The following SNED1 variants were observed in gnomAD, a reference collection of about 807,000 sequenced individuals.
The protein encoded by SNED1 is sushi, nidogen and EGF-like domain-containing protein 1.
In SNED1, 81 loss-of-function variants were observed where a neutral mutation model predicts 166.7. The ratio of observed to expected loss-of-function variants is 0.49; its 90% CI spans 0.41 to 0.58. SNED1 has a LOEUF of 0.58. Among genes scored for constraint, SNED1 ranks in the 20% least tolerant of loss-of-function variants. SNED1 has a pLI of 0.00. For missense variants in SNED1, 1,604 were observed against 2,000.2 expected, an observed-to-expected ratio of 0.80 and a Z score of 3.78; for synonymous variants, 762 against 822.0, an observed-to-expected ratio of 0.93 and a Z score of 1.25.
Position 241,075,901 on chromosome 2 carries a change from A to G in SNED1, c.3916+2537A>G, listed in dbSNP as rs1248115596. 6.6e-6 allele frequency among the ~76,000 whole-genome samples: 1 copy of G among 152,202 alleles called. No individual in the cohort carries two copies. Among genetic ancestry groups the G allele is most frequent in the Non-Finnish European group, 1.5e-5 (1 of 68,034 alleles). ...GGCTACAATTTCATTTTTTATGCAT[A>G]TGGGTAAACTGGATTTTTCATCTCT... is the stretch of plus-strand genomic sequence containing the variant. On this transcript the variant is annotated intron_variant, in intron 27 of 31. Transcript: ENST00000310397. The surrounding 1 kb of genome is among the most constrained non-coding windows in gnomAD (Gnocchi z 4.8).
intron 1 of SNED1, among the ~76,000 whole-genome samples, chr2:241,020,306 A>G (rs778078237): frequency 1.1e-4 from 17 of 152,208 alleles, no homozygotes; most frequent in Non-Finnish European, 2.5e-4. Flanking sequence ...CCCAGCCCCA[A>G]TACTCACTGG....
At position 241,064,822 on chromosome 2, in the gene SNED1, C is replaced by T. The variant is rs765309683; in HGVS notation, c.2600-22C>T. On this transcript the variant is annotated intron_variant, in intron 19 of 31. Transcript: ENST00000310397. This position sits in a 1 kb window ranked among gnomAD's most constrained non-coding sequence, Gnocchi z 7.0. ...ACCCCTGGCCACGCCCCAACATACA[C>T]TGCCACTTTTTCTCCCCTCAGTGAG... 6.5e-7 allele frequency: 1 copy of T among 1,547,652 alleles called. No individual in the cohort carries two copies.
At chr2:241,089,062 C>G (rs938709457) in intron 31 of SNED1, 5 of 417,090 alleles carry the variant, frequency 1.2e-5, no homozygotes, top group African/African-American at 1.0e-4. Flanking sequence ...AAACCCCATC[C>G]TGCCCCCACC....
chr2:241,004,013 C>T (rs1191849839), intron 1 of SNED1, among the ~76,000 whole-genome samples: 1 of 152,222 alleles, frequency 6.6e-6, no homozygotes, highest in Non-Finnish European at 1.5e-5. Context: ...GCCAGGCTGT[C>T]CTATGTGAGG....
intron 3 of SNED1, 24 bp from the exon 4 acceptor site, chr2:241,034,544 A>C (rs1190684465): frequency 1.3e-6 from 2 of 1,564,804 alleles, no homozygotes; most frequent in African/African-American, 1.4e-5. Flanking sequence ...GGCCTCCCTC[A>C]CTCTGCCCCC....
At chr2:241,062,058 T>A (rs2062251070) in intron 16 of SNED1, among the ~76,000 whole-genome samples, 1 of 152,220 alleles carries the variant, frequency 6.6e-6, no homozygotes, top group African/African-American at 2.4e-5. Context: ...TATATCATGA[T>A]GTACTATGAA....
chr2:241,072,265 G>A (rs1045051024), intron 26 of SNED1: 18 of 474,970 alleles, frequency 3.8e-5, no homozygotes, highest in African/African-American at 2.4e-4. Flanking sequence ...CCGCCACTCC[G>A]AGTGTGGTCC....
intron 8 of SNED1, among the ~76,000 whole-genome samples, chr2:241,044,681 A>C (rs2061602265): frequency 1.3e-5 from 2 of 152,238 alleles, no homozygotes; most frequent in South Asian, 4.1e-4. Context: ...CTGACAGTGC[A>C]GAAGTTGGGG....
intron 2 of SNED1, among the ~76,000 whole-genome samples, chr2:241,033,075 G>A (rs1383845394): frequency 1.3e-5 from 2 of 152,088 alleles, no homozygotes; most frequent in Admixed American, 6.5e-5. Context: ...CCTTTCCTGA[G>A]TTATACATAT....
intron 8 of SNED1, among the ~76,000 whole-genome samples, chr2:241,046,114 G>A (rs1341218811): frequency 6.6e-6 from 1 of 152,100 alleles, no homozygotes; most frequent in Non-Finnish European, 1.5e-5. Flanking sequence ...GCCACTACGA[G>A]GAATCACAAC....
intron 16 of SNED1, among the ~76,000 whole-genome samples, chr2:241,057,439 A>G (rs112223395): frequency 0.01 from 1,459 of 142,830 alleles, 16 homozygotes; most frequent in Non-Finnish European, 0.014. Context: ...CACACATATA[A>G]TGGGAGGTCA....
chr2:241,083,109 G>A lies in SNED1; in HGVS notation c.4121+745G>A, dbSNP rs1436470145. Among the ~76,000 whole-genome samples the A allele has an allele frequency of 2.0e-5, 3 of 152,318 alleles. No individual in the cohort carries two copies. The East Asian group carries it at 5.8e-4, about 29-fold the overall frequency. ...GTGTGTGGTGTGGCAGGTGGTGAGT[G>A]CAAAGGGAAAAAGGACGAGATGACA... is the stretch of plus-strand genomic sequence containing the variant. On this transcript the variant is annotated intron_variant, in intron 29 of 31. Coordinates refer to ENST00000310397, the MANE Select transcript of SNED1 (RefSeq NM_001080437.3).
rs1330536136 is a variant in SNED1 at position 241,006,548 on chromosome 2, T to C, written c.213+7498T>C. Among the ~76,000 whole-genome samples, 7 of 152,166 alleles carry C rather than the reference T, an allele frequency of 4.6e-5. No individual in the cohort carries two copies. In the East Asian group the frequency reaches 7.7e-4, roughly 17 times the overall value. ...CTCTTGAAGATACGAGTTGCAGATA[T>C]GGAAAGGAGGAAACATCAAATGAAA... On this transcript the variant is annotated intron_variant, in intron 1 of 31. Transcript: ENST00000310397.
At chr2:241,086,108 C>T (rs936833576) in intron 29 of SNED1, among the ~76,000 whole-genome samples, 10 of 152,106 alleles carry the variant, frequency 6.6e-5, no homozygotes, top group African/African-American at 2.2e-4. Flanking sequence ...CTCAAGTGAT[C>T]GGCCCGCCTT....
At chr2:241,072,718 A>G (rs901364616) in intron 26 of SNED1, 1 of 197,598 alleles carries the variant, frequency 5.1e-6, no homozygotes, top group Admixed American at 5.3e-5. Flanking sequence ...CGGGATGCCC[A>G]GTGGTGGGCA....
In SNED1 at chr2:241,092,482, T is replaced by C. The variant is rs1427703419; in HGVS notation, c.*846T>C. 2 of 152,210 alleles carry C rather than the reference T, an allele frequency of 1.3e-5. No homozygotes were observed. The highest frequency in any genetic ancestry group is 2.1e-4 in the South Asian group (1 of 4,832). 9.4% of individuals were successfully genotyped at this position (152,210 alleles called of 1,614,324 possible). ...GCCTTATTTGGTGAACCCTGTTCTA[T>C]GAGATCACCTAGGCTTCAGCCTTAA... On this transcript the variant is annotated 3_prime_UTR_variant, in exon 32 of 32. Coordinates refer to ENST00000310397, the MANE Select transcript of SNED1 (RefSeq NM_001080437.3). This position sits in a 1 kb window ranked among gnomAD's most constrained non-coding sequence, Gnocchi z 4.6.
intron 1 of SNED1, among the ~76,000 whole-genome samples, chr2:241,020,457 A>G (rs1193184156): frequency 6.6e-6 from 1 of 152,230 alleles, no homozygotes; most frequent in Non-Finnish European, 1.5e-5. Context: ...CCGCAGAGCC[A>G]GTGGCTCACG....
chr2:241,036,563 C>T (rs1434525084), intron 4 of SNED1, among the ~76,000 whole-genome samples: 1 of 152,152 alleles, frequency 6.6e-6, no homozygotes, highest in East Asian at 1.9e-4. Context: ...CCGCCCCACA[C>T]GAAGCCACCT....
In SNED1 at chr2:241,078,361, A is replaced by C. The variant is rs562497238; in HGVS notation, c.3917-3316A>C. Among the ~76,000 whole-genome samples the C allele has an allele frequency of 1.7e-4, 24 of 144,682 alleles. 1 individual carries two copies. Among genetic ancestry groups the C allele is most frequent in the Admixed American group, 3.5e-4 (5 of 14,300 alleles). The allele number at this position is 144,682 out of a possible 152,430, so 94.9% of individuals were successfully genotyped here. On this transcript the variant is annotated intron_variant, in intron 27 of 31. Coordinates refer to ENST00000310397, the MANE Select transcript of SNED1 (RefSeq NM_001080437.3). The stretch of plus-strand genomic sequence containing the variant: ...TCGCGCCACTGCACTGCAGCCTGGG[A>C]GACAGAACTAGACTCCGTCTCAAAA...
Sources: gnomAD v4.1 joint callset for allele counts (sites outside exome capture counted in the v4.1 genomes callset) on GRCh38, gnomAD v4.1.1 for gene constraint, Gnocchi (gnomAD v3.1) non-coding constraint, MANE v1.5 for transcripts, NCBI Gene and HGNC (gene_info 2026-07-23, HGNC 2026-07-21) for gene names.